FRAS1: variants seen among roughly 807,000 people sequenced by gnomAD.
The protein encoded by FRAS1 is Fraser extracellular matrix complex subunit 1.
FRAS1 carries 290 observed loss-of-function variants against 435.2 expected under a neutral mutation model. That is an observed-to-expected ratio of 0.67 (90% CI 0.61 to 0.73). FRAS1 has a LOEUF of 0.73. FRAS1 is among the 30% of genes least tolerant of loss of function. The probability of loss-of-function intolerance (pLI) is 0.00; values close to 1 mark genes in which losing one functional copy is unlikely to be tolerated. For missense variants in FRAS1, 4,860 were observed against 5,001.5 expected, an observed-to-expected ratio of 0.97 and a Z score of 0.85; for synonymous variants, 1,800 against 1,851.0, an observed-to-expected ratio of 0.97 and a Z score of 0.71.
chr4:78,333,522 T>A, intron 19 of FRAS1, 110 bp downstream of exon 19: 2 of 1,139,162 alleles, frequency 1.8e-6, no homozygotes, highest in Non-Finnish European at 2.4e-6. Flanking sequence ...AAGATTCAGC[T>A]GTAAATCCTT....
At chr4:78,312,664 T>C (rs1192753473) in intron 15 of FRAS1, among the ~76,000 whole-genome samples, 2 of 151,168 alleles carry the variant, frequency 1.3e-5, no homozygotes, top group Admixed American at 1.3e-4. Flanking sequence ...TCATCTCTAC[T>C]AAAAATAAAA....
At chr4:78,496,133 T>C (rs1720501717) in intron 59 of FRAS1, among the ~76,000 whole-genome samples, 1 of 152,206 alleles carries the variant, frequency 6.6e-6, no homozygotes, top group Non-Finnish European at 1.5e-5. Flanking sequence ...ATCTGAAATG[T>C]TGTGACCATA....
At chr4:78,392,877 C>T (rs1732506196) in intron 29 of FRAS1, among the ~76,000 whole-genome samples, 1 of 151,798 alleles carries the variant, frequency 6.6e-6, no homozygotes, top group African/African-American at 2.4e-5. Flanking sequence ...TTTTGGACAC[C>T]TTAAATGTAG....
intron 2 of FRAS1, among the ~76,000 whole-genome samples, chr4:78,114,196 T>C (rs1742963429): frequency 6.6e-6 from 1 of 152,184 alleles, no homozygotes; most frequent in African/African-American, 2.4e-5. Context: ...ATATATCTGT[T>C]TGGGTACCAG....
chr4:78,070,129 T>C (rs1740261170), intron 2 of FRAS1, among the ~76,000 whole-genome samples: 1 of 152,198 alleles, frequency 6.6e-6, no homozygotes, highest in African/African-American at 2.4e-5. Context: ...TGTCCTGCAC[T>C]GGCGTGCACC....
chr4:78,303,145 G>C (rs1026436955), intron 14 of FRAS1, among the ~76,000 whole-genome samples: 1 of 152,040 alleles, frequency 6.6e-6, no homozygotes, highest in Non-Finnish European at 1.5e-5. Flanking sequence ...TTTTCTCAGG[G>C]TTGCCAAAGA....
intron 38 of FRAS1, among the ~76,000 whole-genome samples, chr4:78,434,715 A>G (rs532934259): frequency 6.6e-6 from 1 of 152,270 alleles, no homozygotes; most frequent in Admixed American, 6.5e-5. Context: ...AACAGACAGC[A>G]ATAGCATTTC....
At chr4:78,372,673 G>C in intron 23 of FRAS1, 45 bp from the exon 24 acceptor site, 1 of 1,607,856 alleles carries the variant, frequency 6.2e-7, no homozygotes, top group Non-Finnish European at 8.5e-7. Flanking sequence ...CTGGGTCTGA[G>C]GGTGGACAGA....
intron 2 of FRAS1, among the ~76,000 whole-genome samples, chr4:78,153,109 C>T (rs1346782855): frequency 2.0e-5 from 3 of 152,128 alleles, no homozygotes; most frequent in Non-Finnish European, 4.4e-5. Context: ...ACTGATGCTG[C>T]AATGATCTTC....
chr4:78,106,013 C>T (rs1742408382), intron 2 of FRAS1, among the ~76,000 whole-genome samples: 1 of 133,762 alleles, frequency 7.5e-6, no homozygotes. Flanking sequence ...TCGGGTCACT[C>T]CCACCCGAAT....
chr4:78,378,104 C>T (rs1456350804), intron 26 of FRAS1, among the ~76,000 whole-genome samples: 1 of 152,112 alleles, frequency 6.6e-6, no homozygotes, highest in East Asian at 1.9e-4. Flanking sequence ...TCCCTGGAAA[C>T]CACTAATCTC....
intron 8 of FRAS1, 72 bp downstream of exon 8, chr4:78,267,007 G>C: frequency 9.4e-7 from 1 of 1,064,234 alleles, no homozygotes; most frequent in Non-Finnish European, 1.4e-6. Context: ...TTCTTATTCC[G>C]GTGTGTCCTT....
At chr4:78,330,605 C>G (rs959255609) in intron 18 of FRAS1, among the ~76,000 whole-genome samples, 1 of 152,174 alleles carries the variant, frequency 6.6e-6, no homozygotes, top group African/African-American at 2.4e-5. Flanking sequence ...GAACTGGCCC[C>G]CCTGGGCGTG....
At chr4:78,392,210 A>G (rs534134987) in intron 29 of FRAS1, among the ~76,000 whole-genome samples, 3 of 152,076 alleles carry the variant, frequency 2.0e-5, no homozygotes, top group South Asian at 4.1e-4. Context: ...TCACCACACC[A>G]CCCCACATGA....
intron 50 of FRAS1, among the ~76,000 whole-genome samples, chr4:78,468,624 A>G (rs1199584805): frequency 6.6e-6 from 1 of 152,196 alleles, no homozygotes; most frequent in Non-Finnish European, 1.5e-5. Context: ...ACATCCAGAT[A>G]TCCAGAAGAA....
intron 51 of FRAS1, 117 bp from the exon 52 acceptor site, chr4:78,472,063 C>T: frequency 9.5e-7 from 1 of 1,053,528 alleles, no homozygotes; most frequent in Non-Finnish European, 1.4e-6. Context: ...ACAGAGCTTT[C>T]CATGCAGTAA....
At chr4:78,527,961 C>T (rs1031434582) in intron 70 of FRAS1, among the ~76,000 whole-genome samples, 1 of 152,062 alleles carries the variant, frequency 6.6e-6, no homozygotes, top group Non-Finnish European at 1.5e-5. Context: ...AAGGGCTGGC[C>T]ATAGCTGGAA....
At chr4:78,253,185 C>T (rs943204652) in intron 5 of FRAS1, among the ~76,000 whole-genome samples, 9 of 152,296 alleles carry the variant, frequency 5.9e-5, no homozygotes, top group African/African-American at 1.2e-4. Flanking sequence ...CTTACTTGCA[C>T]GTCCATTTAT....
intron 20 of FRAS1, among the ~76,000 whole-genome samples, chr4:78,360,287 G>T (rs1731027328): frequency 6.6e-6 from 1 of 152,172 alleles, no homozygotes; most frequent in African/African-American, 2.4e-5. Context: ...GGCCATCAGA[G>T]ACCTTTTCAA....
Sources: gnomAD v4.1 joint callset for allele counts (sites outside exome capture counted in the v4.1 genomes callset) on GRCh38, gnomAD v4.1.1 for gene constraint, MANE v1.5 for transcripts, NCBI Gene and HGNC (gene_info 2026-07-23, HGNC 2026-07-21) for gene names.